MYOZ2: variants seen among roughly 807,000 people sequenced by gnomAD.
The protein encoded by MYOZ2 is myozenin-2.
MYOZ2 carries 19 observed loss-of-function variants against 25.4 expected under a neutral mutation model. The ratio of observed to expected loss-of-function variants is 0.75; its 90% CI spans 0.52 to 1.10. The LOEUF (loss-of-function observed/expected upper bound fraction) is 1.10, where lower values mean the gene tolerates loss of function less well. Ranked by LOEUF, MYOZ2 falls within the 50% of genes least tolerant of loss-of-function variation. The probability of loss-of-function intolerance (pLI) is 0.00; values close to 1 mark genes in which losing one functional copy is unlikely to be tolerated. For synonymous variants in MYOZ2, 92 were observed against 106.9 expected, an observed-to-expected ratio of 0.86 and a Z score of 0.86; for missense variants, 270 against 317.9, an observed-to-expected ratio of 0.85 and a Z score of 1.15.
intron 2 of MYOZ2, among the ~76,000 whole-genome samples, chr4:119,137,360 TC>T (rs531005636): frequency 3.2e-4 from 49 of 152,256 alleles, no homozygotes; most frequent in Non-Finnish European, 5.6e-4. Context: ...ACGTATAGCA[TC>T]AGTTTTAAAT....
At position 119,187,261 on chromosome 4, in the gene MYOZ2, A is replaced by C. The variant is rs1320025176; in HGVS notation, c.*1061A>C. On this transcript the variant is annotated 3_prime_UTR_variant, in exon 6 of 6. Transcript: ENST00000307128. Reference sequence around the variant, plus strand: ...TTATATCTTAAAATATAATTGAAGAAGCATATGACATATAACTTATAGAAA... The same window carrying C: ...TTATATCTTAAAATATAATTGAAGACGCATATGACATATAACTTATAGAAA... The C allele has an allele frequency of 6.6e-6, 1 of 152,208 alleles. No homozygotes were observed. Among genetic ancestry groups the C allele is most frequent in the Non-Finnish European group, 1.5e-5 (1 of 68,010 alleles). 9.4% of individuals were successfully genotyped at this position (152,208 alleles called of 1,614,324 possible).
chr4:119,182,280 T>C (rs1742198818), intron 5 of MYOZ2, among the ~76,000 whole-genome samples: 1 of 152,230 alleles, frequency 6.6e-6, no homozygotes, highest in South Asian at 2.1e-4. Flanking sequence ...ATGTAATGCC[T>C]GATGCTTGAA....
chr4:119,161,094 C>T (rs1294352824), intron 4 of MYOZ2, among the ~76,000 whole-genome samples: 1 of 152,138 alleles, frequency 6.6e-6, no homozygotes, highest in East Asian at 1.9e-4. Flanking sequence ...CTACTTTTCA[C>T]GCCTAGGAGA....
intron 4 of MYOZ2, among the ~76,000 whole-genome samples, chr4:119,162,956 G>A (rs560641459): frequency 6.6e-6 from 1 of 152,278 alleles, no homozygotes; most frequent in South Asian, 2.1e-4. Context: ...GATAAATATA[G>A]TAAATAATTC....
At chr4:119,181,787 T>C (rs1336047894) in intron 5 of MYOZ2, among the ~76,000 whole-genome samples, 1 of 152,190 alleles carries the variant, frequency 6.6e-6, no homozygotes, top group African/African-American at 2.4e-5. Context: ...AATGAACAAC[T>C]ATAAGTTACA....
chr4:119,168,703 AC>A lies in MYOZ2; in HGVS notation c.560+4310del, dbSNP rs1445095744. Among the ~76,000 whole-genome samples, 319 of 152,182 alleles carry A rather than the reference AC, an allele frequency of 2.1e-3. 2 individuals carry two copies. The highest frequency in any genetic ancestry group is 7.3e-3 in the African/African-American group (301 of 41,480). On this transcript the variant is annotated intron_variant, in intron 5 of 5. Transcript: ENST00000307128. ...CAACAAAACAACAACAACAACAACA[AC>A]AACAACAAAAAACCACCTGAGCAGA...
chr4:119,184,198 C>A (rs79375169), intron 5 of MYOZ2, among the ~76,000 whole-genome samples: 7,596 of 152,122 alleles, frequency 0.05, 643 homozygotes, highest in African/African-American at 0.17. Flanking sequence ...TCCTGCTTAC[C>A]ATCCTACAAT....
chr4:119,173,800 G>A lies in MYOZ2; in HGVS notation c.560+9406G>A, dbSNP rs553595362. Among the ~76,000 whole-genome samples, 577 of 152,346 alleles carry A rather than the reference G, an allele frequency of 3.8e-3. 7 individuals are homozygous for A. Among genetic ancestry groups the A allele is most frequent in the African/African-American group, 0.013 (552 of 41,584 alleles). ...GAGCTGTGGAGGGAGAGGCCCGAGCGGGAACCGGGGCTGCGTGGGACGCTT... is the reference window on the plus strand; with the variant it reads ...GAGCTGTGGAGGGAGAGGCCCGAGCAGGAACCGGGGCTGCGTGGGACGCTT... On this transcript the variant is annotated intron_variant, in intron 5 of 5. Coordinates refer to ENST00000307128, the MANE Select transcript of MYOZ2 (RefSeq NM_016599.5).
At chr4:119,142,542 A>T (rs759692134) in intron 2 of MYOZ2, among the ~76,000 whole-genome samples, 2 of 151,766 alleles carry the variant, frequency 1.3e-5, no homozygotes, top group African/African-American at 2.4e-5. Flanking sequence ...CTGACGAGCA[A>T]CTCCCGGGAA....
intron 5 of MYOZ2, among the ~76,000 whole-genome samples, chr4:119,170,183 C>T (rs1741917583): frequency 6.6e-6 from 1 of 152,142 alleles, no homozygotes; most frequent in African/African-American, 2.4e-5. Flanking sequence ...CATTCCCTCT[C>T]TGCCACCATC....
intron 5 of MYOZ2, among the ~76,000 whole-genome samples, chr4:119,170,056 A>G (rs955234305): frequency 2.0e-5 from 3 of 152,148 alleles, no homozygotes; most frequent in Admixed American, 6.5e-5. Context: ...TTAAGCATAC[A>G]GTTCAGTGGT....
At chr4:119,144,760 C>T (rs1292871012) in intron 2 of MYOZ2, among the ~76,000 whole-genome samples, 1 of 152,072 alleles carries the variant, frequency 6.6e-6, no homozygotes, top group African/African-American at 2.4e-5. Flanking sequence ...AGTTGAAATG[C>T]CTCTTCATGT....
chr4:119,174,181 G>A lies in MYOZ2; in HGVS notation c.560+9787G>A, dbSNP rs534201161. On this transcript the variant is annotated intron_variant, in intron 5 of 5. Coordinates refer to ENST00000307128, the MANE Select transcript of MYOZ2 (RefSeq NM_016599.5). ...GGGCTGAGGAGTGCAAGCGCACGGC[G>A]CAGGACTGGCAGGCAGCTCCACCTG... Among the ~76,000 whole-genome samples, 5 of 152,370 alleles carry A rather than the reference G, an allele frequency of 3.3e-5. No homozygotes were observed. The East Asian group carries it at 5.8e-4, about 18-fold the overall frequency.
At chr4:119,174,085 G>A (rs879879035) in intron 5 of MYOZ2, among the ~76,000 whole-genome samples, 1 of 152,148 alleles carries the variant, frequency 6.6e-6, no homozygotes, top group Non-Finnish European at 1.5e-5. Flanking sequence ...CCATGGGCTC[G>A]TGGGCCGCCT....
At chr4:119,159,903 T>A (rs1218568684) in intron 4 of MYOZ2, among the ~76,000 whole-genome samples, 1 of 152,096 alleles carries the variant, frequency 6.6e-6, no homozygotes, top group Non-Finnish European at 1.5e-5. Context: ...AATTCTGAAA[T>A]GGATTATTTT....
Position 119,158,151 on chromosome 4 carries a change from G to A in MYOZ2, c.376G>A (p.Gly126Arg). Residue 126 changes from glycine to arginine, a missense_variant and splice_region_variant, in exon 4 of 6, where the codon GGA (glycine) becomes AGA (arginine). Physicochemically the swap from Gly to Arg is moderately radical, Grantham distance 125 (BLOSUM62 -2). Transcript: ENST00000307128. ...SPPNPDNIAP[G>R]YSGPLKEIPP... Reference sequence around the variant, plus strand: ...TCCAAATCCAGACAACATTGCTCCAGGTAACCAATCCCCTTACCAACAGAG... The same window carrying A: ...TCCAAATCCAGACAACATTGCTCCAAGTAACCAATCCCCTTACCAACAGAG... 3.1e-6 allele frequency: 5 copies of A among 1,613,960 alleles called. No individual in the cohort carries two copies. Among genetic ancestry groups the A allele is most frequent in the Non-Finnish European group, 4.2e-6 (5 of 1,179,942 alleles).
At chr4:119,155,815 G>A (rs1741559985) in intron 3 of MYOZ2, among the ~76,000 whole-genome samples, 1 of 152,148 alleles carries the variant, frequency 6.6e-6, no homozygotes, top group Admixed American at 6.5e-5. Context: ...ACAGAAGATA[G>A]ATGATGACAT....
intron 5 of MYOZ2, among the ~76,000 whole-genome samples, chr4:119,170,775 G>C (rs1384541661): frequency 6.6e-6 from 1 of 152,102 alleles, no homozygotes; most frequent in Non-Finnish European, 1.5e-5. Context: ...AGAATTCATG[G>C]CGTAAGATTT....
intron 4 of MYOZ2, among the ~76,000 whole-genome samples, chr4:119,161,750 A>T (rs1046545075): frequency 7.9e-5 from 12 of 152,176 alleles, no homozygotes; most frequent in African/African-American, 2.9e-4. Flanking sequence ...GAAACCCTTA[A>T]AATAATTATG....
Sources: gnomAD v4.1 joint callset for allele counts (sites outside exome capture counted in the v4.1 genomes callset) on GRCh38, gnomAD v4.1.1 for gene constraint, MANE v1.5 for transcripts, NCBI Gene and HGNC (gene_info 2026-07-23, HGNC 2026-07-21) for gene names.